Variants in TAFA4 observed in about 807,000 individuals in gnomAD.
The protein encoded by TAFA4 is TAFA chemokine like family member 4.
TAFA4 carries 20 observed loss-of-function variants against 21.1 expected under a neutral mutation model. That is an observed-to-expected ratio of 0.95 (90% CI 0.67 to 1.38). The LOEUF is 1.38. Ranked by LOEUF, TAFA4 falls within the 40% of genes most tolerant of loss-of-function variation. The pLI is 0.00. For missense variants in TAFA4, 211 were observed against 180.9 expected, an observed-to-expected ratio of 1.17 and a Z score of -0.95; for synonymous variants, 71 against 67.4, an observed-to-expected ratio of 1.05 and a Z score of -0.26.
intron 3 of TAFA4, among the ~76,000 whole-genome samples, chr3:68,768,991 G>C (rs1340567375): frequency 6.6e-6 from 1 of 152,158 alleles, no homozygotes; most frequent in African/African-American, 2.4e-5. Flanking sequence ...GTTACAGTTA[G>C]AGACGAGGAA....
At chr3:68,804,205 A>G (rs539067395) in intron 3 of TAFA4, among the ~76,000 whole-genome samples, 11 of 152,298 alleles carry the variant, frequency 7.2e-5, no homozygotes, top group African/African-American at 2.6e-4. Context: ...TAAATCACCA[A>G]TCCACACTTT....
intron 3 of TAFA4, among the ~76,000 whole-genome samples, chr3:68,755,543 C>T (rs1702645810): frequency 6.6e-6 from 1 of 152,224 alleles, no homozygotes; most frequent in Non-Finnish European, 1.5e-5. Flanking sequence ...TCATCCCCAC[C>T]ACCAAGTATT....
intron 1 of TAFA4, among the ~76,000 whole-genome samples, chr3:68,912,917 C>T (rs1210054238): frequency 6.6e-6 from 1 of 152,142 alleles, no homozygotes; most frequent in Non-Finnish European, 1.5e-5. Flanking sequence ...AAGGTATTTA[C>T]CCAGGTTCCT....
intron 3 of TAFA4, among the ~76,000 whole-genome samples, chr3:68,783,721 GAAAGA>G (rs2106800780): frequency 7.5e-6 from 1 of 134,152 alleles, no homozygotes; most frequent in Non-Finnish European, 1.6e-5. Context: ...GAAAAAGAAA[GAAAGA>G]AAGAAAGAAA....
chr3:68,818,579 C>G (rs1392761808), intron 3 of TAFA4, among the ~76,000 whole-genome samples: 1 of 152,146 alleles, frequency 6.6e-6, no homozygotes, highest in East Asian at 1.9e-4. Context: ...TGTGACTCTT[C>G]CTTTCACTTG....
At chr3:68,733,530 A>T (rs1318271776) in intron 5 of TAFA4, among the ~76,000 whole-genome samples, 1 of 152,180 alleles carries the variant, frequency 6.6e-6, no homozygotes, top group Middle Eastern at 3.2e-3. Flanking sequence ...CAAGATAAAA[A>T]TGTTGCCTTT....
rs868358789 is a variant in TAFA4 at position 68,789,249 on chromosome 3, C to A, written c.131-36231G>T. On this transcript the variant is annotated intron_variant, in intron 3 of 5. Transcript: ENST00000295569. Reference sequence around the variant, plus strand: ...CCGTCTCAAAAAAAAAAAAAAAAATCTTTAATCCATTTGGAGTTGAGTTGA... The same window carrying A: ...CCGTCTCAAAAAAAAAAAAAAAAATATTTAATCCATTTGGAGTTGAGTTGA... 2.4e-4 allele frequency among the ~76,000 whole-genome samples: 36 copies of A among 149,240 alleles called. 1 individual carries two copies. Among genetic ancestry groups the A allele is most frequent in the South Asian group, 1.7e-3 (8 of 4,672 alleles).
chr3:68,886,113 A>C (rs963767722), intron 1 of TAFA4, among the ~76,000 whole-genome samples: 4 of 152,234 alleles, frequency 2.6e-5, no homozygotes, highest in Admixed American at 2.6e-4. Context: ...TAACATAAAA[A>C]TGATTTTTGA....
chr3:68,775,801 C>A (rs959220694), intron 3 of TAFA4, among the ~76,000 whole-genome samples: 2 of 152,074 alleles, frequency 1.3e-5, no homozygotes, highest in African/African-American at 4.8e-5. Flanking sequence ...CAACTCCTGG[C>A]CTGATAGCAG....
intron 3 of TAFA4, among the ~76,000 whole-genome samples, chr3:68,861,239 G>GA (rs1162261466): frequency 2.0e-5 from 3 of 151,816 alleles, no homozygotes; most frequent in African/African-American, 7.3e-5. Flanking sequence ...AGTTACCTGC[G>GA]ATGAGGGTTC....
At position 68,745,312 on chromosome 3, in the gene TAFA4, T is replaced by C. The variant is rs1702437202; in HGVS notation, c.287-6113A>G. 8.5e-5 allele frequency among the ~76,000 whole-genome samples: 13 copies of C among 152,222 alleles called. No homozygotes were observed. In the South Asian group the frequency reaches 2.7e-3, roughly 32 times the overall value. On this transcript the variant is annotated intron_variant, in intron 4 of 5. Transcript: ENST00000295569. ...AACATCTGCCCACTTTACTGAGCCTTGTCTCCACAGGAAAATAAGTTTGTA... is the reference window on the plus strand; with the variant it reads ...AACATCTGCCCACTTTACTGAGCCTCGTCTCCACAGGAAAATAAGTTTGTA...
At chr3:68,807,987 G>A (rs1013553419) in intron 3 of TAFA4, among the ~76,000 whole-genome samples, 2 of 152,092 alleles carry the variant, frequency 1.3e-5, no homozygotes, top group Non-Finnish European at 2.9e-5. Context: ...TAATACAGTA[G>A]AGCATTATAT....
chr3:68,753,060 G>C (rs779978104), intron 3 of TAFA4, 42 bp from the exon 4 acceptor site: 5 of 1,589,002 alleles, frequency 3.1e-6, no homozygotes, highest in Admixed American at 3.4e-5. Context: ...AGTGCTGTTA[G>C]AAGGAAATGA....
intron 1 of TAFA4, among the ~76,000 whole-genome samples, chr3:68,920,639 ATTTTTTT>A (rs367598663): frequency 8.5e-4 from 111 of 130,212 alleles, no homozygotes; most frequent in Admixed American, 2.4e-3. Flanking sequence ...TTTTTCTCTA[ATTTTTTT>A]TTTTTTTTTT....
intron 3 of TAFA4, among the ~76,000 whole-genome samples, chr3:68,837,093 C>T (rs974818578): frequency 7.9e-5 from 12 of 152,192 alleles, no homozygotes; most frequent in Admixed American, 2.0e-4. Context: ...CGGCTGCTTT[C>T]GCACTACAGT....
At chr3:68,904,469 G>C (rs1003058857) in intron 1 of TAFA4, among the ~76,000 whole-genome samples, 7 of 152,212 alleles carry the variant, frequency 4.6e-5, no homozygotes, top group African/African-American at 1.7e-4. Flanking sequence ...AAATGCGTAA[G>C]CAGGCAAATA....
At chr3:68,787,297 T>C (rs1467969439) in intron 3 of TAFA4, among the ~76,000 whole-genome samples, 2 of 152,110 alleles carry the variant, frequency 1.3e-5, no homozygotes, top group Non-Finnish European at 2.9e-5. Flanking sequence ...CACTCACTAT[T>C]AAAAGCTCAT....
intron 3 of TAFA4, among the ~76,000 whole-genome samples, chr3:68,865,495 T>A (rs2089405168): frequency 6.6e-6 from 1 of 152,126 alleles, no homozygotes; most frequent in Non-Finnish European, 1.5e-5. Context: ...GGCAGTTTCC[T>A]GGCACATCTC....
intron 3 of TAFA4, among the ~76,000 whole-genome samples, chr3:68,767,580 A>C (rs1342244818): frequency 6.6e-6 from 1 of 152,106 alleles, no homozygotes; most frequent in Non-Finnish European, 1.5e-5. Context: ...TATGGTGTTA[A>C]TATATAATAT....
Sources: allele counts gnomAD v4.1 joint callset (sites outside exome capture counted in the v4.1 genomes callset), GRCh38; gene constraint gnomAD v4.1.1; transcripts MANE v1.5; gene names NCBI Gene and HGNC (gene_info 2026-07-23, HGNC 2026-07-21).